Variants in KCNQ5 observed in about 807,000 individuals in gnomAD.
KCNQ5 encodes the protein potassium voltage-gated channel subfamily KQT member 5.
Under a neutral mutation model 98.2 loss-of-function variants are expected in KCNQ5, and 30 were observed. That is an observed-to-expected ratio of 0.31 (90% confidence interval 0.23 to 0.41). The LOEUF (loss-of-function observed/expected upper bound fraction) is 0.41. Ranked by LOEUF, KCNQ5 falls within the 10% of genes least tolerant of loss-of-function variation. KCNQ5 has a pLI of 1.00. For synonymous variants in KCNQ5, 458 were observed against 449.4 expected (o/e 1.02, Z -0.24); for missense variants, 835 against 1,182.5 (o/e 0.71, Z 4.31).
chr6:73,086,268 T>A (rs763565473), intron 5 of KCNQ5, among the ~76,000 whole-genome samples: 7 of 151,990 alleles, frequency 4.6e-5, no homozygotes, highest in Non-Finnish European at 1.0e-4. Context: ...TCCCCACACA[T>A]GATCCCACCT....
At chr6:73,156,553 A>G (rs1057126735) in intron 10 of KCNQ5, among the ~76,000 whole-genome samples, 1 of 148,820 alleles carries the variant, frequency 6.7e-6, no homozygotes, top group African/African-American at 2.5e-5. Flanking sequence ...TGAACCCGGG[A>G]GGCAGAGGTT....
intron 1 of KCNQ5, among the ~76,000 whole-genome samples, chr6:72,822,642 G>C (rs551868110): frequency 1.2e-4 from 18 of 152,020 alleles, no homozygotes; most frequent in African/African-American, 3.4e-4. Flanking sequence ...CATTATTATT[G>C]AGGGTCTAGC....
intron 1 of KCNQ5, among the ~76,000 whole-genome samples, chr6:72,685,063 A>G (rs1366161025): frequency 6.6e-6 from 1 of 152,198 alleles, no homozygotes; most frequent in African/African-American, 2.4e-5. Context: ...TGAACAAGAA[A>G]GAGAAAAGGG....
intron 1 of KCNQ5, among the ~76,000 whole-genome samples, chr6:72,940,938 A>T (rs1207220504): frequency 6.6e-6 from 1 of 152,212 alleles, no homozygotes; most frequent in African/African-American, 2.4e-5. Flanking sequence ...TGTGGGAAAA[A>T]AATTTAAATT....
intron 9 of KCNQ5, among the ~76,000 whole-genome samples, chr6:73,132,815 G>C (rs1031190212): frequency 6.6e-6 from 1 of 152,136 alleles, no homozygotes; most frequent in Non-Finnish European, 1.5e-5. Flanking sequence ...ATCTTGTGTG[G>C]TTTTCATCTC....
chr6:72,782,283 G>A (rs1002900541), intron 1 of KCNQ5, among the ~76,000 whole-genome samples: 3 of 151,620 alleles, frequency 2.0e-5, no homozygotes, highest in Non-Finnish European at 2.9e-5. Flanking sequence ...GAGCTTTCAG[G>A]TACATCCTGA....
intron 1 of KCNQ5, among the ~76,000 whole-genome samples, chr6:72,675,207 G>C (rs1405599070): frequency 1.3e-5 from 2 of 152,116 alleles, no homozygotes; most frequent in Non-Finnish European, 2.9e-5. Flanking sequence ...GGACCACTCA[G>C]TTTTCAAAAC....
Position 73,101,495 on chromosome 6 carries a change from T to C in KCNQ5, c.919-3762T>C, listed in dbSNP as rs529800421. 3.3e-5 allele frequency among the ~76,000 whole-genome samples: 5 copies of C among 152,182 alleles called. No individual in the cohort carries two copies. The East Asian group carries it at 9.6e-4, about 29-fold the overall frequency. On this transcript the variant is annotated intron_variant, in intron 5 of 13. Transcript: ENST00000370398. ...TGTTTGCAGATGATATGATCTTATA[T>C]TTGGAAAAACCTAGAGTCCCCATAA...
At chr6:72,639,691 T>G (rs2098926165) in intron 1 of KCNQ5, among the ~76,000 whole-genome samples, 1 of 152,016 alleles carries the variant, frequency 6.6e-6, no homozygotes, top group Admixed American at 6.6e-5. Flanking sequence ...CTAAAGAGCT[T>G]GAGATAATGC....
chr6:73,179,326 A>G (rs1778326679), intron 11 of KCNQ5, among the ~76,000 whole-genome samples: 1 of 152,118 alleles, frequency 6.6e-6, no homozygotes, highest in East Asian at 1.9e-4. Flanking sequence ...TCACATAGCA[A>G]GCAGAGTGAG....
intron 1 of KCNQ5, among the ~76,000 whole-genome samples, chr6:72,893,742 C>T (rs914370384): frequency 3.9e-5 from 6 of 152,180 alleles, no homozygotes; most frequent in Non-Finnish European, 5.9e-5. Context: ...GAGTAATCCA[C>T]GAACATTCAT....
rs1382207645 is a variant in KCNQ5 at position 72,900,846 on chromosome 6, G to C, written c.399-103062G>C. ...TTTTTATTTTTTTATGGCCATTCTT[G>C]CAGGAATAAGGTGGTATCACATGGT... On this transcript the variant is annotated intron_variant, in intron 1 of 13. Coordinates refer to ENST00000370398, the MANE Select transcript of KCNQ5 (RefSeq NM_019842.4). 3.3e-5 allele frequency among the ~76,000 whole-genome samples: 5 copies of C among 151,854 alleles called. No homozygotes were observed. The East Asian group carries it at 7.7e-4, about 23-fold the overall frequency.
At position 72,838,680 on chromosome 6, in the gene KCNQ5, G is replaced by T. The variant is rs943435987; in HGVS notation, c.399-165228G>T. On this transcript the variant is annotated intron_variant, in intron 1 of 13. Coordinates refer to ENST00000370398, the MANE Select transcript of KCNQ5 (RefSeq NM_019842.4). ...GAATATGGAGCTGAGGCCGGGCGCG[G>T]TGGCTCACGCCTGTAATCCCAGCAC... 5.3e-5 allele frequency among the ~76,000 whole-genome samples: 8 copies of T among 152,040 alleles called. No individual in the cohort carries two copies. The East Asian group carries it at 7.7e-4, about 15-fold the overall frequency.
chr6:72,983,423 A>G (rs1209581196), intron 1 of KCNQ5, among the ~76,000 whole-genome samples: 2 of 151,894 alleles, frequency 1.3e-5, no homozygotes, highest in East Asian at 3.9e-4. Context: ...CATTAATTTG[A>G]TCTTCAATCA....
At chr6:73,149,602 C>T (rs1405055265) in intron 10 of KCNQ5, among the ~76,000 whole-genome samples, 2 of 152,056 alleles carry the variant, frequency 1.3e-5, no homozygotes, top group Non-Finnish European at 2.9e-5. Flanking sequence ...TCAAGACCAG[C>T]CTGGCCAACA....
At chr6:72,694,896 C>T (rs1768404597) in intron 1 of KCNQ5, among the ~76,000 whole-genome samples, 1 of 152,132 alleles carries the variant, frequency 6.6e-6, no homozygotes, top group South Asian at 2.1e-4. Context: ...TTGATGCCAT[C>T]TTTATGGCCA....
At chr6:73,160,023 T>G (rs1337984006) in intron 10 of KCNQ5, among the ~76,000 whole-genome samples, 1 of 150,792 alleles carries the variant, frequency 6.6e-6, no homozygotes, top group African/African-American at 2.4e-5. Context: ...GTTTGTTTGT[T>G]TGTTTTTTGA....
intron 1 of KCNQ5, among the ~76,000 whole-genome samples, chr6:72,781,599 C>A (rs59068902): frequency 0.05 from 7,675 of 152,068 alleles, 245 homozygotes; most frequent in Non-Finnish European, 0.072. Flanking sequence ...TTTGGATTCC[C>A]TGGGGCAAAT....
chr6:73,077,711 T>G (rs1582310899), intron 4 of KCNQ5, 51 bp from the exon 5 acceptor site: 5 of 1,539,220 alleles, frequency 3.2e-6, no homozygotes, highest in Non-Finnish European at 4.4e-6. Context: ...TCTTTTTTCC[T>G]TTTTCAAAGA....
Sources: allele counts gnomAD v4.1 joint callset (sites outside exome capture counted in the v4.1 genomes callset), GRCh38; gene constraint gnomAD v4.1.1; transcripts MANE v1.5; gene names NCBI Gene and HGNC (gene_info 2026-07-23, HGNC 2026-07-21).